The following CSMD2 variants were observed in gnomAD, a reference collection of about 807,000 sequenced individuals.
CSMD2 encodes the protein CUB and sushi domain-containing protein 2.
A neutral mutation model predicts 398.5 loss-of-function variants in CSMD2; 130 were observed. The ratio of observed to expected loss-of-function variants is 0.33; its 90% CI spans 0.28 to 0.38. CSMD2 has a LOEUF of 0.38. Ranked by LOEUF, CSMD2 falls within the 10% of genes least tolerant of loss-of-function variation. The pLI, the probability that CSMD2 is intolerant of heterozygous loss-of-function variation, is 1.00. For missense variants in CSMD2, 3,829 were observed against 4,764.9 expected (o/e 0.80, Z 5.78); for synonymous variants, 1,828 against 1,908.5 (o/e 0.96, Z 1.10).
At chr1:34,010,581 C>G (rs1647221330) in intron 3 of CSMD2, among the ~76,000 whole-genome samples, 1 of 152,088 alleles carries the variant, frequency 6.6e-6, no homozygotes, top group Non-Finnish European at 1.5e-5. Context: ...TGATCGTCAG[C>G]AGGGCCTGCC....
chr1:33,683,730 T>C (rs1177680633), intron 25 of CSMD2, among the ~76,000 whole-genome samples: 1 of 152,212 alleles, frequency 6.6e-6, no homozygotes, highest in East Asian at 1.9e-4. Flanking sequence ...CAAAGCTTCA[T>C]TTATACCTTC....
In CSMD2 at chr1:33,909,498, C is replaced by T. The variant is rs146324491; in HGVS notation, c.920+8596G>A. On this transcript the variant is annotated intron_variant, in intron 5 of 70. Transcript: ENST00000373381. ...TAACTTCAGTCTCCCCCAAATAGAC[C>T]GTAAGTTCCACAAAGGCAGAGGCCT... is the stretch of plus-strand genomic sequence containing the variant. 2.3e-4 allele frequency among the ~76,000 whole-genome samples: 35 copies of T among 152,088 alleles called. No individual in the cohort carries two copies. The East Asian group carries it at 5.8e-3, about 25-fold the overall frequency.
chr1:33,700,516 C>T lies in CSMD2; in HGVS notation c.3733+1G>A. 6.2e-7 allele frequency: 1 copy of T among 1,614,008 alleles called. No homozygotes were observed. Among genetic ancestry groups the T allele is most frequent in the Non-Finnish European group, 8.5e-7 (1 of 1,179,964 alleles). On this transcript the variant is annotated splice_donor_variant, in intron 23 of 70. Coordinates refer to ENST00000373381, the MANE Select transcript of CSMD2 (RefSeq NM_001281956.2). LOFTEE classifies it high-confidence loss of function. ...TCCACACAGATGCAAGAAAGACTTA[C>T]TGGAAAAGTGCAGTTCAAAGCCCTT...
chr1:34,003,006 T>C (rs1228184578), intron 3 of CSMD2, among the ~76,000 whole-genome samples: 3 of 152,178 alleles, frequency 2.0e-5, no homozygotes, highest in Non-Finnish European at 4.4e-5. Flanking sequence ...GGCTCCCTCA[T>C]TGGATAGCAA....
chr1:33,636,572 A>C lies in CSMD2; in HGVS notation c.4775-18T>G. On this transcript the variant is annotated intron_variant, in intron 29 of 70. Coordinates refer to ENST00000373381, the MANE Select transcript of CSMD2 (RefSeq NM_001281956.2). This position sits in a 1 kb window ranked among gnomAD's most constrained non-coding sequence, Gnocchi z 4.8. ...CGGGTTTTCTGGGAAAAAGAAATAC[A>C]AACACGTGCACACACACAGAGGGCT... 1.9e-6 allele frequency: 3 copies of C among 1,610,524 alleles called. No homozygotes were observed. Among genetic ancestry groups the C allele is most frequent in the Non-Finnish European group, 2.5e-6 (3 of 1,177,040 alleles).
chr1:33,637,407 ACT>A (rs1642869942), intron 29 of CSMD2, among the ~76,000 whole-genome samples: 1 of 152,000 alleles, frequency 6.6e-6, no homozygotes, highest in South Asian at 2.1e-4. Flanking sequence ...ACAGTCCTCT[ACT>A]CTGTCGCTCT....
chr1:33,844,229 A>C (rs944364300), intron 6 of CSMD2, among the ~76,000 whole-genome samples: 1 of 152,204 alleles, frequency 6.6e-6, no homozygotes, highest in Non-Finnish European at 1.5e-5. Flanking sequence ...GTGCTTGTGC[A>C]CATAGGGACA....
chr1:34,000,957 G>C (rs1388450454), intron 3 of CSMD2, among the ~76,000 whole-genome samples: 3 of 151,328 alleles, frequency 2.0e-5, no homozygotes, highest in African/African-American at 7.3e-5. Flanking sequence ...AGGAGGAAAG[G>C]GAGTAGAAAG....
intron 2 of CSMD2, among the ~76,000 whole-genome samples, chr1:34,046,563 T>C (rs1200734537): frequency 6.6e-6 from 1 of 152,160 alleles, no homozygotes; most frequent in Non-Finnish European, 1.5e-5. Context: ...GGATCCAGCG[T>C]ACCCCACACT....
At chr1:33,959,774 C>T (rs1192161521) in intron 3 of CSMD2, among the ~76,000 whole-genome samples, 1 of 152,144 alleles carries the variant, frequency 6.6e-6, no homozygotes, top group Non-Finnish European at 1.5e-5. Flanking sequence ...CCAGACTGCC[C>T]TGTCCCATGT....
At chr1:33,606,038 G>GA in intron 41 of CSMD2, 2 of 1,573,706 alleles carry the variant, frequency 1.3e-6, no homozygotes, top group Non-Finnish European at 1.7e-6. Flanking sequence ...GCTAAGGGAC[G>GA]TGTGGCTGTC....
chr1:34,094,347 C>G (rs1345066650), intron 1 of CSMD2, among the ~76,000 whole-genome samples: 1 of 152,068 alleles, frequency 6.6e-6, no homozygotes, highest in South Asian at 2.1e-4. Context: ...GAAACTGCAT[C>G]AACTAACGAG....
chr1:33,710,049 T>C (rs1256515458), intron 21 of CSMD2, among the ~76,000 whole-genome samples: 1 of 152,244 alleles, frequency 6.6e-6, no homozygotes, highest in Admixed American at 6.5e-5. Flanking sequence ...CTCATACCTT[T>C]ATTTATAGTA....
intron 3 of CSMD2, among the ~76,000 whole-genome samples, chr1:34,014,765 G>C (rs1194825843): frequency 1.3e-5 from 2 of 152,232 alleles, no homozygotes; most frequent in African/African-American, 4.8e-5. Flanking sequence ...TGAATGGATG[G>C]ATGGGTAGAT....
intron 13 of CSMD2, among the ~76,000 whole-genome samples, chr1:33,748,394 C>T (rs1647690467): frequency 6.6e-6 from 1 of 152,142 alleles, no homozygotes; most frequent in African/African-American, 2.4e-5. Flanking sequence ...CCAGACTGTG[C>T]TCATGGATCT....
Position 33,519,756 on chromosome 1 carries a change from G to C in CSMD2, c.10736+56C>G. On this transcript the variant is annotated intron_variant, in intron 69 of 70. Transcript: ENST00000373381. This position sits in a 1 kb window ranked among gnomAD's most constrained non-coding sequence, Gnocchi z 5.6. ...TTAGGGGTCTGGTGCGGGGGGCCCTGGAGGGAGAGAGGGAGGCCTGCCTGA... is the reference window on the plus strand; with the variant it reads ...TTAGGGGTCTGGTGCGGGGGGCCCTCGAGGGAGAGAGGGAGGCCTGCCTGA... 1 of 1,612,702 alleles carries C rather than the reference G, an allele frequency of 6.2e-7. No individual in the cohort carries two copies. Among genetic ancestry groups the C allele is most frequent in the Non-Finnish European group, 8.5e-7 (1 of 1,178,910 alleles).
At chr1:33,873,353 T>C (rs2125151010) in intron 5 of CSMD2, among the ~76,000 whole-genome samples, 1 of 152,336 alleles carries the variant, frequency 6.6e-6, no homozygotes, top group East Asian at 1.9e-4. Context: ...TCTAAATTTC[T>C]TTCTCTTCTG....
chr1:33,891,217 C>A (rs1246069488), intron 5 of CSMD2, among the ~76,000 whole-genome samples: 1 of 142,572 alleles, frequency 7.0e-6, no homozygotes, highest in Non-Finnish European at 1.5e-5. Flanking sequence ...AAAAAAACAA[C>A]CCCATCAAAA....
At chr1:34,097,999 A>T (rs1346284886) in intron 1 of CSMD2, among the ~76,000 whole-genome samples, 1 of 118,704 alleles carries the variant, frequency 8.4e-6, no homozygotes, top group Admixed American at 9.7e-5. Context: ...AATAGCAAAG[A>T]CTTGGAACCA....
Sources: allele counts gnomAD v4.1 joint callset (sites outside exome capture counted in the v4.1 genomes callset), GRCh38; gene constraint gnomAD v4.1.1; non-coding constraint Gnocchi (gnomAD v3.1); transcripts MANE v1.5; gene names NCBI Gene and HGNC (gene_info 2026-07-23, HGNC 2026-07-21).